Variants in STARD3 observed in about 807,000 individuals in gnomAD.
STARD3 encodes the protein stAR-related lipid transfer protein 3.
Under a neutral mutation model 62.0 loss-of-function variants are expected in STARD3, and 39 were observed. The ratio of observed to expected loss-of-function variants is 0.63; its 90% CI spans 0.49 to 0.82. The LOEUF is 0.82. Among genes scored for constraint, STARD3 ranks in the 40% least tolerant of loss-of-function variants. The pLI, the probability that STARD3 is intolerant of heterozygous loss-of-function variation, is 0.00. For missense variants in STARD3, 543 were observed against 584.5 expected (o/e 0.93, Z 0.73); for synonymous variants, 229 against 242.4 (o/e 0.94, Z 0.51).
Position 39,662,354 on chromosome 17 carries a change from T to A in STARD3, c.1233+10T>A, listed in dbSNP as rs2057209625. 6.2e-7 allele frequency: 1 copy of A among 1,612,598 alleles called. No individual in the cohort carries two copies. Among genetic ancestry groups the A allele is most frequent in the African/African-American group, 1.3e-5 (1 of 74,864 alleles). On this transcript the variant is annotated intron_variant, in intron 14 of 14. Coordinates refer to ENST00000336308, the MANE Select transcript of STARD3 (RefSeq NM_006804.4). ...TAATACAGATCTCAAGGTGGGGTGC[T>A]GGGGGGCTGCCAGGTGGGTTCTGTG... is the stretch of plus-strand genomic sequence containing the variant.
Position 39,662,298 on chromosome 17 carries a change from AC to A in STARD3, c.1192del (p.Arg398ValfsTer97). On this transcript the variant is annotated frameshift_variant, in exon 14 of 15. Transcript: ENST00000336308. LOFTEE classifies it high-confidence loss of function. ...GGFIVLKSAS[N>X]PRVCTFVWIL... ...TTCATCGTGCTCAAGTCGGCCAGTAACCCCCGTGTTTGCACCTTTGTCTGGA... is the reference window on the plus strand; with the variant it reads ...TTCATCGTGCTCAAGTCGGCCAGTAACCCCGTGTTTGCACCTTTGTCTGGA... 1 of 1,613,608 alleles carries A rather than the reference AC, an allele frequency of 6.2e-7. No homozygotes were observed. Among genetic ancestry groups the A allele is most frequent in the Non-Finnish European group, 8.5e-7 (1 of 1,179,902 alleles).
Position 39,645,881 on chromosome 17 carries a change from C to CTTTTT in STARD3, c.-51-7576_-51-7572dup, listed in dbSNP as rs71147368. Among the ~76,000 whole-genome samples the CTTTTT allele has an allele frequency of 5.0e-4, 28 of 55,670 alleles. 6 individuals carry two copies. The highest frequency in any genetic ancestry group is 7.6e-4 in the Non-Finnish European group (23 of 30,120). 36.5% of individuals were successfully genotyped at this position (55,670 alleles called of 152,430 possible). On this transcript the variant is annotated intron_variant, in intron 1 of 14. Transcript: ENST00000336308. ...ATCCCTGTGACATAGGGATTCTTGC[C>CTTTTT]TTTTTTTTTTTTTTTTTTTTTTTTT...
At chr17:39,637,598 C>G (rs1432741287) in intron 1 of STARD3, 2 of 152,216 alleles carry the variant, frequency 1.3e-5, no homozygotes, top group Non-Finnish European at 2.9e-5. Flanking sequence ...CTACGCATTC[C>G]GGTAGCTCTG....
Position 39,653,663 on chromosome 17 carries a change from G to T in STARD3, c.132G>T (p.Arg44Ser). Reference protein sequence around the residue: ...SHLLPPPEKRRAISDVRRTFC... With the variant: ...SHLLPPPEKRSAISDVRRTFC... ...TCCTTCCGCCGCCTGAGAAGCGAAGGGCCATCTCTGATGTCCGCCGCACCT... is the reference window on the plus strand; with the variant it reads ...TCCTTCCGCCGCCTGAGAAGCGAAGTGCCATCTCTGATGTCCGCCGCACCT... The change falls in exon 2 of 15, where the codon AGG becomes AGT. Residue 44 changes from arginine (R) to serine (S), a missense_variant. Transcript: ENST00000336308. 1 of 1,614,122 alleles carries T rather than the reference G, an allele frequency of 6.2e-7. No homozygotes were observed. Among genetic ancestry groups the T allele is most frequent in the African/African-American group, 1.3e-5 (1 of 75,042 alleles).
At position 39,653,736 on chromosome 17, in the gene STARD3, A is replaced by G. The variant is rs1468781102; in HGVS notation, c.205A>G (p.Ile69Val). 6.2e-7 allele frequency: 1 copy of G among 1,613,840 alleles called. No individual in the cohort carries two copies. Among genetic ancestry groups the G allele is most frequent in the East Asian group, 2.2e-5 (1 of 44,884 alleles). The change falls in exon 2 of 15, where the codon ATC (isoleucine) becomes GTC (valine). Residue 69 changes from isoleucine (I) to valine (V), a missense_variant. Ile to Val is a conservative substitution (Grantham distance 29). Transcript: ENST00000336308. Reference sequence around the variant, plus strand: ...CCTGCTCTTCATCTCCCTGCTCTGGATCATCGAACTGAATGTGAGTGGGGG... The same window carrying G: ...CCTGCTCTTCATCTCCCTGCTCTGGGTCATCGAACTGAATGTGAGTGGGGG... ...FDLLFISLLW[I>V]IELNTNTGIR...
chr17:39,640,557 G>A (rs906273540), intron 1 of STARD3, among the ~76,000 whole-genome samples: 2 of 149,800 alleles, frequency 1.3e-5, no homozygotes, highest in African/African-American at 5.0e-5. Flanking sequence ...CTTTTCTTGA[G>A]AGGGCTGAGA....
At chr17:39,658,693 T>G in intron 6 of STARD3, 29 bp from the exon 7 acceptor site, 1 of 1,613,632 alleles carries the variant, frequency 6.2e-7, no homozygotes, top group Non-Finnish European at 8.5e-7. Context: ...GTAACTGTCC[T>G]CGGTCCGGGA....
At chr17:39,659,632 C>T (rs1414128385) in intron 9 of STARD3, 79 bp downstream of exon 9, 1 of 1,478,232 alleles carries the variant, frequency 6.8e-7, no homozygotes, top group Non-Finnish European at 9.4e-7. Flanking sequence ...GAGGAAGAAA[C>T]CCAAAGATTA....
At position 39,657,972 on chromosome 17, in the gene STARD3, G is replaced by A. The variant is rs1391766537; in HGVS notation, c.376-1G>A. 6.3e-7 allele frequency: 1 copy of A among 1,589,290 alleles called. No homozygotes were observed. The highest frequency in any genetic ancestry group is 1.3e-5 in the African/African-American group (1 of 74,654). On this transcript the variant is annotated splice_acceptor_variant, in intron 4 of 14. Transcript: ENST00000336308. LOFTEE classifies it high-confidence loss of function. The stretch of plus-strand genomic sequence containing the variant: ...CCTTCCTCCCTCCCTCCCCTGGGCA[G>A]GTCACGACGCTGGTGTCCAGTGCAT...
intron 1 of STARD3, among the ~76,000 whole-genome samples, chr17:39,650,385 C>T (rs1214975073): frequency 6.6e-6 from 1 of 152,186 alleles, no homozygotes; most frequent in African/African-American, 2.4e-5. Flanking sequence ...GGGAGCACGG[C>T]CCTCCCAATA....
rs773318576 is a variant in STARD3 at position 39,662,862 on chromosome 17, C to T, written c.1292C>T (p.Ala431Val). 1.2e-6 allele frequency: 2 copies of T among 1,612,760 alleles called. No homozygotes were observed. Among genetic ancestry groups the T allele is most frequent in the South Asian group, 2.2e-5 (2 of 90,934 alleles). ...CTCGCGGCCACCATGTTTGAATTTG[C>T]CTTTCACCTGCGACAGCGCATCAGC... ...QSLAATMFEFAFHLRQRISEL... is the reference protein window; with the variant it reads ...QSLAATMFEFVFHLRQRISEL... The change falls in exon 15 of 15, where the codon GCC becomes GTC. Residue 431 changes from alanine (A) to valine (V), a missense_variant. Transcript: ENST00000336308.
chr17:39,645,347 A>G (rs868544548), intron 1 of STARD3, among the ~76,000 whole-genome samples: 108 of 152,332 alleles, frequency 7.1e-4, no homozygotes, highest in African/African-American at 2.6e-3. Flanking sequence ...TCTGAGCCAC[A>G]CAGCAGGTGA....
Position 39,660,681 on chromosome 17 carries a change from G to T in STARD3, c.955-129G>T. 1 of 1,347,588 alleles carries T rather than the reference G, an allele frequency of 7.4e-7. No homozygotes were observed. Among genetic ancestry groups the T allele is most frequent in the Non-Finnish European group, 1.0e-6 (1 of 961,180 alleles). The allele number at this position is 1,347,588 out of a possible 1,614,324, so 83.5% of individuals were successfully genotyped here. A position where few individuals can be genotyped will look rare whatever the true frequency, so the allele number is the denominator to read the frequency against. ...GGGAGGGTCGGGAGGAGGGCAGGAG[G>T]AGTGCTCATCAGGCGCTGCCCAGGG... On this transcript the variant is annotated intron_variant, in intron 11 of 14. Transcript: ENST00000336308. This position sits in a 1 kb window ranked among gnomAD's most constrained non-coding sequence, Gnocchi z 4.8.
intron 1 of STARD3, among the ~76,000 whole-genome samples, chr17:39,645,383 C>T (rs539821995): frequency 1.3e-5 from 2 of 152,214 alleles, no homozygotes; most frequent in African/African-American, 4.8e-5. Context: ...TTTGAACCCA[C>T]GCCTTTTGGG....
chr17:39,641,254 T>TG (rs1258434385), intron 1 of STARD3, among the ~76,000 whole-genome samples: 1 of 152,174 alleles, frequency 6.6e-6, no homozygotes, highest in Non-Finnish European at 1.5e-5. Context: ...CCAGGCACTG[T>TG]GGCTGTGACT....
chr17:39,662,169 G>A, intron 13 of STARD3, 82 bp from the exon 14 acceptor site: 2 of 1,258,496 alleles, frequency 1.6e-6, no homozygotes, highest in Non-Finnish European at 2.3e-6. Flanking sequence ...GCCAAGAATG[G>A]AGTGTGAGTG....
intron 1 of STARD3, among the ~76,000 whole-genome samples, chr17:39,649,795 G>A (rs1274365121): frequency 2.0e-5 from 3 of 150,592 alleles, no homozygotes; most frequent in Non-Finnish European, 4.4e-5. Flanking sequence ...GAACCTGGGA[G>A]GTGGAGGTTG....
At chr17:39,649,226 A>G (rs1008457052) in intron 1 of STARD3, among the ~76,000 whole-genome samples, 1 of 152,218 alleles carries the variant, frequency 6.6e-6, no homozygotes, top group Non-Finnish European at 1.5e-5. Flanking sequence ...GCAAACTGCA[A>G]AGGGAACTTG....
chr17:39,657,649 G>C (rs922523228), intron 3 of STARD3, 126 bp from the exon 4 acceptor site: 1 of 945,854 alleles, frequency 1.1e-6, no homozygotes, highest in Non-Finnish European at 1.7e-6. Flanking sequence ...TGACTCAGTC[G>C]TTGTCCCCTG....
Sources: allele counts gnomAD v4.1 joint callset (sites outside exome capture counted in the v4.1 genomes callset), GRCh38; gene constraint gnomAD v4.1.1; non-coding constraint Gnocchi (gnomAD v3.1); transcripts MANE v1.5; gene names NCBI Gene and HGNC (gene_info 2026-07-23, HGNC 2026-07-21).